ZFHX4: variants seen among roughly 807,000 people sequenced by gnomAD.
ZFHX4 encodes zinc finger homeobox protein 4.
A neutral mutation model predicts 267.6 loss-of-function variants in ZFHX4; 56 were observed. The ratio of observed to expected loss-of-function variants is 0.21; its 90% CI spans 0.17 to 0.26. The LOEUF is 0.26. Among genes scored for constraint, ZFHX4 ranks in the 10% least tolerant of loss-of-function variants. The pLI is 1.00. For missense variants in ZFHX4, 4,332 were observed against 4,420.0 expected, an observed-to-expected ratio of 0.98 and a Z score of 0.56; for synonymous variants, 1,778 against 1,665.6, an observed-to-expected ratio of 1.07 and a Z score of -1.64.
At chr8:76,685,973 A>G (rs1807682602) in intron 1 of ZFHX4, among the ~76,000 whole-genome samples, 1 of 152,204 alleles carries the variant, frequency 6.6e-6, no homozygotes. Flanking sequence ...GAAAATTATG[A>G]AACAAAATAT....
At chr8:76,803,407 A>G (rs1563531480) in intron 4 of ZFHX4, among the ~76,000 whole-genome samples, 1 of 152,102 alleles carries the variant, frequency 6.6e-6, no homozygotes, top group Non-Finnish European at 1.5e-5. Flanking sequence ...TGTAAACTGC[A>G]TTTATATAAT....
intron 3 of ZFHX4, among the ~76,000 whole-genome samples, chr8:76,761,359 CTG>C (rs1429220506): frequency 6.6e-5 from 10 of 152,198 alleles, no homozygotes; most frequent in Admixed American, 1.3e-4. Context: ...ACACTTGAAA[CTG>C]TGTTTATTTA....
chr8:76,695,191 A>G (rs1807925603), intron 1 of ZFHX4, among the ~76,000 whole-genome samples: 1 of 152,168 alleles, frequency 6.6e-6, no homozygotes, highest in Non-Finnish European at 1.5e-5. Context: ...GCCAGAAACT[A>G]TGGAAAAGAA....
intron 4 of ZFHX4, among the ~76,000 whole-genome samples, chr8:76,781,869 G>A (rs1810556442): frequency 6.6e-6 from 1 of 152,114 alleles, no homozygotes; most frequent in African/African-American, 2.4e-5. Context: ...TTGGTTCCTA[G>A]CTGGAAAATT....
intron 5 of ZFHX4, 42 bp from the exon 6 acceptor site, chr8:76,842,613 G>C: frequency 6.9e-7 from 1 of 1,448,688 alleles, no homozygotes; most frequent in Non-Finnish European, 9.4e-7. Context: ...TGAACTTTTG[G>C]GCGGTTTTCA....
At chr8:76,787,638 T>TAAA in intron 4 of ZFHX4, among the ~76,000 whole-genome samples, 1 of 62,202 alleles carries the variant, frequency 1.6e-5, no homozygotes, top group East Asian at 4.1e-4. Flanking sequence ...CCATCTCCAC[T>TAAA]AAAAAAAAAA....
At chr8:76,807,509 A>G (rs1811274843) in intron 4 of ZFHX4, among the ~76,000 whole-genome samples, 1 of 152,116 alleles carries the variant, frequency 6.6e-6, no homozygotes, top group Non-Finnish European at 1.5e-5. Context: ...TCTTTCTCAT[A>G]CAGACAGCTC....
rs529946995 is a variant in ZFHX4, at chr8:76,758,319, G to A, written c.3094-19889G>A. Among the ~76,000 whole-genome samples, 28 of 152,210 alleles carry A rather than the reference G, an allele frequency of 1.8e-4. No individual in the cohort carries two copies. In the South Asian group the frequency reaches 5.8e-3, roughly 32 times the overall value. ...ATGAAAAATTACCAAGGAGGATAGG[G>A]AAGATACCTCAAAATAAAGAAACAT... On this transcript the variant is annotated intron_variant, in intron 3 of 10. Coordinates refer to ENST00000651372, the MANE Select transcript of ZFHX4 (RefSeq NM_024721.5).
intron 3 of ZFHX4, among the ~76,000 whole-genome samples, chr8:76,756,665 T>C (rs951407457): frequency 2.0e-5 from 3 of 152,216 alleles, no homozygotes; most frequent in African/African-American, 7.2e-5. Flanking sequence ...ATTGCCCTCT[T>C]GTCAACTACA....
At chr8:76,813,206 A>G (rs1011370476) in intron 4 of ZFHX4, among the ~76,000 whole-genome samples, 4 of 152,126 alleles carry the variant, frequency 2.6e-5, no homozygotes, top group Non-Finnish European at 4.4e-5. Flanking sequence ...TACTTAGCAA[A>G]CGATTTGAAA....
At chr8:76,860,486 T>C (rs1401986831) in intron 10 of ZFHX4, among the ~76,000 whole-genome samples, 1 of 152,140 alleles carries the variant, frequency 6.6e-6, no homozygotes, top group Non-Finnish European at 1.5e-5. Context: ...ATTGCTATTT[T>C]TTCATGTCTC....
intron 4 of ZFHX4, among the ~76,000 whole-genome samples, chr8:76,814,400 A>G (rs940097045): frequency 2.6e-5 from 4 of 152,188 alleles, no homozygotes; most frequent in African/African-American, 7.2e-5. Flanking sequence ...AACATCCACA[A>G]AATAGCTTAT....
intron 5 of ZFHX4, chr8:76,834,098 A>G (rs187947013): frequency 8.9e-6 from 4 of 447,296 alleles, no homozygotes; most frequent in South Asian, 3.2e-5. Context: ...ATATATATAT[A>G]TCATTGTCTT....
intron 3 of ZFHX4, among the ~76,000 whole-genome samples, chr8:76,738,346 T>C (rs971499814): frequency 2.0e-5 from 3 of 152,092 alleles, no homozygotes; most frequent in Admixed American, 6.6e-5. Flanking sequence ...TCAGTAAGTG[T>C]GAGGATCAGG....
chr8:76,791,010 A>C (rs1362654390), intron 4 of ZFHX4, among the ~76,000 whole-genome samples: 1 of 152,158 alleles, frequency 6.6e-6, no homozygotes, highest in Admixed American at 6.6e-5. Context: ...TTTCTTACTA[A>C]AATTAAAGCA....
chr8:76,737,403 A>T (rs1186208439), intron 3 of ZFHX4, among the ~76,000 whole-genome samples: 1 of 152,224 alleles, frequency 6.6e-6, no homozygotes, highest in African/African-American at 2.4e-5. Context: ...ATGACTAAAT[A>T]AACAATTACC....
At chr8:76,744,778 A>C (rs533304019) in intron 3 of ZFHX4, among the ~76,000 whole-genome samples, 1 of 152,266 alleles carries the variant, frequency 6.6e-6, no homozygotes, top group East Asian at 1.9e-4. Flanking sequence ...AATGAAAATG[A>C]AATTATTTAC....
chr8:76,838,522 T>A (rs143699425), intron 5 of ZFHX4, among the ~76,000 whole-genome samples: 6 of 152,136 alleles, frequency 3.9e-5, no homozygotes, highest in Non-Finnish European at 7.4e-5. Flanking sequence ...AGTAGATCAT[T>A]AGGAGGATAG....
rs751339547 is a variant in ZFHX4 at position 76,853,881 on chromosome 8, T to A, written c.6960T>A (p.Val2320=). The change falls in exon 10 of 11, where the codon GTT becomes GTA. Residue 2320 remains valine, a synonymous_variant. Coordinates refer to ENST00000651372, the MANE Select transcript of ZFHX4 (RefSeq NM_024721.5). The part of the protein sequence containing the change: ...MQYQCKKCNV[V]FPRIFDLITH... ...ACCAGTGTAAAAAGTGCAATGTGGT[T>A]TTCCCCAGGATCTTTGACTTGATTA... 1 of 1,613,880 alleles carries A rather than the reference T, an allele frequency of 6.2e-7. No individual in the cohort carries two copies. The highest frequency in any genetic ancestry group is 2.2e-5 in the East Asian group (1 of 44,850).
Sources: gnomAD v4.1 joint callset for allele counts (sites outside exome capture counted in the v4.1 genomes callset) on GRCh38, gnomAD v4.1.1 for gene constraint, MANE v1.5 for transcripts, NCBI Gene and HGNC (gene_info 2026-07-23, HGNC 2026-07-21) for gene names.